The following SLC23A2 variants were observed in gnomAD, a reference collection of about 807,000 sequenced individuals.
SLC23A2 encodes solute carrier family 23 member 2.
A neutral mutation model predicts 73.3 loss-of-function variants in SLC23A2; 36 were observed. The ratio of observed to expected loss-of-function variants is 0.49; its 90% CI spans 0.38 to 0.65. SLC23A2 has a LOEUF of 0.65. SLC23A2 is among the 30% of genes least tolerant of loss of function. SLC23A2 has a pLI of 0.00. For synonymous variants in SLC23A2, 343 were observed against 327.3 expected (o/e 1.05, Z -0.52); for missense variants, 507 against 841.6 (o/e 0.60, Z 4.92).
intron 3 of SLC23A2, 24 bp from the exon 4 acceptor site, chr20:4,913,002 G>C (rs2122895802): frequency 5.3e-6 from 8 of 1,504,238 alleles, no homozygotes; most frequent in East Asian, 2.3e-5. Flanking sequence ...CCACTTAGAG[G>C]CTGTTTCAGC....
At position 4,856,783 on chromosome 20, in the gene SLC23A2, A is replaced by G. The variant is rs1929728119; in HGVS notation, c.*189T>C. ...AGGGCAAGGAGTTAAGGGCTTAAAT[A>G]AGGAGATAGGCGAGACACCGCATCA... is the stretch of plus-strand genomic sequence containing the variant. On this transcript the variant is annotated 3_prime_UTR_variant, in exon 17 of 17. Transcript: ENST00000338244. The surrounding 1 kb of genome is among the most constrained non-coding windows in gnomAD (Gnocchi z 4.6). The G allele has an allele frequency of 6.9e-6, 4 of 581,086 alleles. No homozygotes were observed. In the Admixed American group the frequency reaches 1.2e-4, roughly 18 times the overall value. The allele number at this position is 581,086 out of a possible 1,614,324, so 36.0% of individuals were successfully genotyped here.
chr20:4,890,639 C>A (rs1001498373), intron 6 of SLC23A2, among the ~76,000 whole-genome samples: 1 of 151,862 alleles, frequency 6.6e-6, no homozygotes, highest in African/African-American at 2.4e-5. Context: ...GGCAACAGAG[C>A]GAGACTCCAT....
At chr20:4,910,927 A>G (rs559691552) in intron 4 of SLC23A2, among the ~76,000 whole-genome samples, 306 of 152,360 alleles carry the variant, frequency 2.0e-3, no homozygotes, top group Non-Finnish European at 3.1e-3. Context: ...TAAATGTGCT[A>G]GAGACATTTT....
chr20:4,932,584 A>G lies in SLC23A2; in HGVS notation c.-22T>C. ...TCATTAAGAGAAACGAGTAGTTTACACAGCCGTTGGGGAGAGCAGCTGGAA... is the reference window on the plus strand; with the variant it reads ...TCATTAAGAGAAACGAGTAGTTTACGCAGCCGTTGGGGAGAGCAGCTGGAA... On this transcript the variant is annotated 5_prime_UTR_variant, in exon 3 of 17. Coordinates refer to ENST00000338244, the MANE Select transcript of SLC23A2 (RefSeq NM_005116.6). The G allele has an allele frequency of 1.4e-5, 18 of 1,308,904 alleles. No homozygotes were observed. Among genetic ancestry groups the G allele is most frequent in the Non-Finnish European group, 2.0e-5 (18 of 901,068 alleles). The allele number at this position is 1,308,904 out of a possible 1,614,324, so 81.1% of individuals were successfully genotyped here.
At chr20:4,973,183 T>TG (rs1274860252) in intron 1 of SLC23A2, among the ~76,000 whole-genome samples, 1 of 152,102 alleles carries the variant, frequency 6.6e-6, no homozygotes, top group Non-Finnish European at 1.5e-5. Flanking sequence ...TTTGAAGTGG[T>TG]GGGGGGACAT....
rs549083261 is a variant in SLC23A2, at chr20:4,874,917, A to G, written c.825-221T>C. Among the ~76,000 whole-genome samples, 5 of 152,362 alleles carry G rather than the reference A, an allele frequency of 3.3e-5. No individual in the cohort carries two copies. In the South Asian group the frequency reaches 8.3e-4, roughly 25 times the overall value. The stretch of plus-strand genomic sequence containing the variant: ...AGATGTTACAACTAATTTGCCTAGC[A>G]TTTCTTGATACTGAAATGAAATTCT... On this transcript the variant is annotated intron_variant, in intron 9 of 16. Transcript: ENST00000338244.
chr20:4,976,648 C>A (rs983519085), intron 1 of SLC23A2, among the ~76,000 whole-genome samples: 4 of 149,072 alleles, frequency 2.7e-5, no homozygotes, highest in Non-Finnish European at 5.9e-5. Context: ...GCACTCCAGC[C>A]TGGGGGACAA....
At chr20:4,981,857 A>G (rs1461262790) in intron 1 of SLC23A2, among the ~76,000 whole-genome samples, 6 of 152,022 alleles carry the variant, frequency 3.9e-5, no homozygotes, top group African/African-American at 1.2e-4. Flanking sequence ...GCATGCCACC[A>G]TGCCCAGCTA....
chr20:4,926,315 C>A (rs1322145248), intron 3 of SLC23A2, among the ~76,000 whole-genome samples: 1 of 152,138 alleles, frequency 6.6e-6, no homozygotes, highest in Non-Finnish European at 1.5e-5. Context: ...TGAATGATGA[C>A]GCACTGAAAC....
At chr20:4,911,216 T>C (rs934993383) in intron 4 of SLC23A2, among the ~76,000 whole-genome samples, 2 of 152,160 alleles carry the variant, frequency 1.3e-5, no homozygotes, top group African/African-American at 4.8e-5. Context: ...CAAACACCAC[T>C]GCACTAACCT....
chr20:4,910,504 C>A (rs139750289), intron 4 of SLC23A2, among the ~76,000 whole-genome samples: 1,741 of 152,214 alleles, frequency 0.011, 36 homozygotes, highest in African/African-American at 0.039. Flanking sequence ...CATCTCAGCT[C>A]ACTGCAACCT....
chr20:4,893,883 C>CGT (rs1931423468), intron 6 of SLC23A2, among the ~76,000 whole-genome samples: 1 of 152,130 alleles, frequency 6.6e-6, no homozygotes, highest in African/African-American at 2.4e-5. Context: ...CCACAGATGC[C>CGT]GTAAGACTCT....
At chr20:4,917,441 G>A (rs1480073313) in intron 3 of SLC23A2, among the ~76,000 whole-genome samples, 1 of 152,078 alleles carries the variant, frequency 6.6e-6, no homozygotes, top group Non-Finnish European at 1.5e-5. Context: ...CAGGGGGCAC[G>A]GGAGTAAAGT....
chr20:4,934,489 C>T (rs1209937560), intron 2 of SLC23A2, among the ~76,000 whole-genome samples: 7 of 152,202 alleles, frequency 4.6e-5, no homozygotes, highest in East Asian at 3.9e-4. Flanking sequence ...GGGATACACT[C>T]GGAACATGCA....
intron 2 of SLC23A2, among the ~76,000 whole-genome samples, chr20:4,941,088 G>A (rs554826014): frequency 1.3e-4 from 19 of 151,834 alleles, no homozygotes; most frequent in Middle Eastern, 3.4e-3. Context: ...CCCAGGAGGC[G>A]GAGGTTGCAG....
intron 2 of SLC23A2, among the ~76,000 whole-genome samples, chr20:4,954,684 G>A (rs147370212): frequency 0.018 from 2,153 of 121,840 alleles, 58 homozygotes; most frequent in African/African-American, 0.072. Context: ...GGGTGACAGA[G>A]CAAGACTCCA....
intron 2 of SLC23A2, among the ~76,000 whole-genome samples, chr20:4,953,374 T>C (rs1393819374): frequency 6.6e-6 from 1 of 151,538 alleles, no homozygotes; most frequent in Non-Finnish European, 1.5e-5. Context: ...ACAGAAAAGA[T>C]TACATTAATA....
intron 2 of SLC23A2, among the ~76,000 whole-genome samples, chr20:4,958,720 G>A (rs1304700212): frequency 1.3e-5 from 2 of 151,762 alleles, no homozygotes; most frequent in East Asian, 1.9e-4. Context: ...GAGCCACCGC[G>A]CCTGGCTGAG....
intron 2 of SLC23A2, among the ~76,000 whole-genome samples, chr20:4,954,698 CA>C (rs200579910): frequency 0.013 from 716 of 55,110 alleles, 1 homozygote; most frequent in East Asian, 0.022. Context: ...GACTCCATCA[CA>C]AAAAAAAAAA....
Sources: allele counts gnomAD v4.1 joint callset (sites outside exome capture counted in the v4.1 genomes callset), GRCh38; gene constraint gnomAD v4.1.1; non-coding constraint Gnocchi (gnomAD v3.1); transcripts MANE v1.5; gene names NCBI Gene and HGNC (gene_info 2026-07-23, HGNC 2026-07-21).